ZNF185: variants seen among roughly 807,000 people sequenced by gnomAD.
ZNF185 encodes the protein zinc finger protein 185.
ZNF185 carries 56 observed loss-of-function variants against 58.6 expected under a neutral mutation model. The observed-to-expected ratio is 0.95, with a 90% CI of 0.77 to 1.19. ZNF185 has a LOEUF of 1.19. ZNF185 is among the 50% of genes most tolerant of loss of function. The pLI, the probability that ZNF185 is intolerant of heterozygous loss-of-function variation, is 0.00. For missense variants in ZNF185, 627 were observed against 573.5 expected, an observed-to-expected ratio of 1.09 and a Z score of -0.95; for synonymous variants, 230 against 215.9, an observed-to-expected ratio of 1.07 and a Z score of -0.57.
chrX:152,917,145 G>C lies in ZNF185; in HGVS notation c.239G>C (p.Arg80Thr), dbSNP rs1272622024. The change falls in exon 4 of 23, where the codon AGG becomes ACG. Residue 80 changes from arginine (R) to threonine (T), a missense_variant. Coordinates refer to ENST00000449285, the Ensembl canonical transcript of ZNF185. ...CTCTTCGGCAGGCCTCCGAGCACAA[G>C]GGCTCCCACTGGCTACATCATCCGG... 29 of 1,209,886 alleles carry C rather than the reference G, an allele frequency of 2.4e-5. No homozygotes were observed. The highest frequency in any genetic ancestry group is 3.5e-5 in the African/African-American group (2 of 57,296).
intron 17 of ZNF185, among the ~76,000 whole-genome samples, chrX:152,962,877 C>T (rs1259680890): frequency 8.9e-6 from 1 of 112,929 alleles, no homozygotes; most frequent in East Asian, 2.8e-4. Context: ...ATTGTTCTTC[C>T]CTTTCCCCAC....
At chrX:152,931,718 C>T in exon 13 of ZNF185, 1 of 1,211,075 alleles carries the variant, frequency 8.3e-7, no homozygotes, top group Non-Finnish European at 1.1e-6. Flanking sequence ...CTCCAGAGAG[C>T]TCCAGAGGGA....
At chrX:152,921,434 G>A (rs1271743757) in intron 9 of ZNF185, among the ~76,000 whole-genome samples, 2 of 108,224 alleles carry the variant, frequency 1.8e-5, no homozygotes, top group Non-Finnish European at 3.8e-5. Flanking sequence ...ACAGGCCCGG[G>A]GTGGGACTAG....
the ZNF185 span, among the ~76,000 whole-genome samples, chrX:152,903,011 C>T: frequency 6.3e-5 from 7 of 111,483 alleles, no homozygotes; most frequent in African/African-American, 2.3e-4. Flanking sequence ...CTTCCTGTCA[C>T]TGGCCTGCTC....
intron 11 of ZNF185, 78 bp from the exon 13 acceptor site, chrX:152,928,497 G>A: frequency 1.9e-6 from 2 of 1,050,628 alleles, no homozygotes; most frequent in Non-Finnish European, 2.6e-6. Context: ...GGTCTGGGCG[G>A]CCCACCGCAC....
the ZNF185 span, among the ~76,000 whole-genome samples, chrX:152,903,884 C>T: frequency 9.0e-6 from 1 of 111,648 alleles, no homozygotes; most frequent in East Asian, 2.8e-4. Flanking sequence ...AAGGAGCTGG[C>T]CTGCCTTAAA....
chrX:152,913,405 G>A (rs1249904980), upstream of ZNF185, among the ~76,000 whole-genome samples: 2 of 112,119 alleles, frequency 1.8e-5, no homozygotes, highest in South Asian at 7.4e-4. Flanking sequence ...AATGGCCCTC[G>A]AGACCACCAC....
At chrX:152,966,672 C>G (rs1314797751) in intron 19 of ZNF185, among the ~76,000 whole-genome samples, 1 of 111,713 alleles carries the variant, frequency 9.0e-6, no homozygotes, top group Non-Finnish European at 1.9e-5. Context: ...TGTACAGTCC[C>G]GAGGTTTTGG....
intron 14 of ZNF185, among the ~76,000 whole-genome samples, chrX:152,936,988 AGCTGTGCATTCCCAT>A (rs1361187201): frequency 4.5e-5 from 5 of 111,963 alleles, no homozygotes; most frequent in South Asian, 7.4e-4. Context: ...AATGGGAAGA[AGCTGTGCATTCCCAT>A]GCTGTAAGCG....
rs2049995251 is a variant in ZNF185 at position 152,965,339 on chromosome X, C to T, written c.1719-108C>T. The T allele has an allele frequency of 4.4e-6, 3 of 686,828 alleles. No individual in the cohort carries two copies. The Admixed American group carries it at 9.7e-5, about 22-fold the overall frequency. 56.6% of individuals were successfully genotyped at this position (686,828 alleles called of 1,213,427 possible). A position where few individuals can be genotyped will look rare whatever the true frequency, so the allele number is the denominator to read the frequency against. The stretch of plus-strand genomic sequence containing the variant: ...GCCTTCCCATGAGCTCTTTCACTTC[C>T]TTCAAACCAGGCTGGGTCTCCCCAG... On this transcript the variant is annotated intron_variant, in intron 18 of 22. Transcript: ENST00000449285.
At chrX:152,904,844 AG>A in the ZNF185 span, among the ~76,000 whole-genome samples, 3 of 111,813 alleles carry the variant, frequency 2.7e-5, no homozygotes, top group African/African-American at 9.8e-5. Flanking sequence ...TGATGACCGG[AG>A]GGGCTGCACT....
chrX:152,924,279 T>C (rs2125390306), intron 11 of ZNF185, among the ~76,000 whole-genome samples: 1 of 110,361 alleles, frequency 9.1e-6, no homozygotes, highest in East Asian at 2.8e-4. Context: ...CATACCCAGC[T>C]AGTTTTTTTT....
exon 23 of ZNF185, chrX:152,972,982 C>G (rs1556920874): frequency 8.9e-6 from 1 of 112,047 alleles, no homozygotes; most frequent in Admixed American, 9.5e-5. Flanking sequence ...GAGGAACATT[C>G]CATTTATTTG....
intron 14 of ZNF185, among the ~76,000 whole-genome samples, chrX:152,935,694 G>T (rs782588004): frequency 8.0e-5 from 9 of 112,385 alleles, no homozygotes; most frequent in Non-Finnish European, 5.6e-5. Context: ...CCTTGGATCT[G>T]CTCAGAGACA....
the ZNF185 span, among the ~76,000 whole-genome samples, chrX:152,904,637 G>A: frequency 4.4e-5 from 5 of 112,595 alleles, no homozygotes; most frequent in Admixed American, 3.7e-4. Context: ...CCTTGAGAAA[G>A]GACGGGGTGA....
At chrX:152,945,998 G>A (rs1556894817) in intron 16 of ZNF185, among the ~76,000 whole-genome samples, 1 of 112,477 alleles carries the variant, frequency 8.9e-6, no homozygotes, top group African/African-American at 3.2e-5. Flanking sequence ...GTGTGCCACT[G>A]TGCATGAGCA....
intron 2 of ZNF185, 26 bp downstream of exon 3, chrX:152,914,859 C>G (rs373245796): frequency 2.0e-5 from 23 of 1,168,933 alleles, no homozygotes; most frequent in Admixed American, 2.5e-5. Context: ...GGGGAGGGAC[C>G]GCAGCAACGT....
At chrX:152,961,882 C>T (rs782367575) in intron 17 of ZNF185, among the ~76,000 whole-genome samples, 54 of 111,888 alleles carry the variant, frequency 4.8e-4, no homozygotes, top group African/African-American at 1.7e-3. Flanking sequence ...GTGGCCTAAC[C>T]GAGATTAGAA....
intron 7 of ZNF185, among the ~76,000 whole-genome samples, chrX:152,919,327 G>A (rs782561946): frequency 1.8e-3 from 148 of 82,652 alleles, no homozygotes; most frequent in East Asian, 9.8e-4. Flanking sequence ...ATGTGGGTCC[G>A]GGGAAAAGCC....
Sources: gnomAD v4.1 joint callset for allele counts (sites outside exome capture counted in the v4.1 genomes callset) on GRCh38, gnomAD v4.1.1 for gene constraint, MANE v1.5 for transcripts, NCBI Gene and HGNC (gene_info 2026-07-23, HGNC 2026-07-21) for gene names.